GLI3: variants seen among roughly 807,000 people sequenced by gnomAD.
GLI3 encodes the protein transcription activator GLI3.
A neutral mutation model predicts 100.8 loss-of-function variants in GLI3; 20 were observed. The ratio of observed to expected loss-of-function variants is 0.20; its 90% CI spans 0.14 to 0.29. The LOEUF is 0.29. Among genes scored for constraint, GLI3 ranks in the 10% least tolerant of loss-of-function variants. The pLI, the probability that GLI3 is intolerant of heterozygous loss-of-function variation, is 1.00. For missense variants in GLI3, 2,040 were observed against 2,128.5 expected (o/e 0.96, Z 0.82); for synonymous variants, 938 against 860.5 (o/e 1.09, Z -1.58).
Position 41,977,156 on chromosome 7 carries a change from A to AAGCTGTC in GLI3, c.1812+395_1812+401dup, listed in dbSNP as rs557412038. 3.4e-3 allele frequency among the ~76,000 whole-genome samples: 515 copies of AAGCTGTC among 152,352 alleles called. 1 individual carries two copies. The highest frequency in any genetic ancestry group is 6.8e-3 in the Middle Eastern group (2 of 294). ...AAATAAAAGTGGATGACTTAGCAGG[A>AAGCTGTC]AGCTGTCAGCTGTCAACATGCTACT... On this transcript the variant is annotated intron_variant, in intron 12 of 14. Transcript: ENST00000395925.
At chr7:42,190,911 T>C (rs554826582) in intron 2 of GLI3, among the ~76,000 whole-genome samples, 4 of 151,822 alleles carry the variant, frequency 2.6e-5, no homozygotes, top group Admixed American at 2.6e-4. Context: ...AGGAGAAAAA[T>C]TATATATCAT....
Position 41,972,500 on chromosome 7 carries a change from T to C in GLI3, c.1940A>G (p.His647Arg). The change falls in exon 13 of 15, where the codon CAT becomes CGT. Residue 647 changes from histidine to arginine, a missense_variant. By Grantham distance (29) the His-to-Arg change is conservative. Around this residue, in one of 5 missense-constraint regions of GLI3, gnomAD observed 327 missense variants for 338.7 expected, o/e 0.97. Transcript: ENST00000395925. This position sits in a 1 kb window ranked among gnomAD's most constrained non-coding sequence, Gnocchi z 4.4. Reference protein sequence around the residue: ...HVTKKQRGDIHPRPPPPRDSG... With the variant: ...HVTKKQRGDIRPRPPPPRDSG... ...ATCTCTCGGGGGTGGCGGCCGAGGA[T>C]GGATGTCCCCTCGCTGCTTCTTGGT... 6.2e-7 allele frequency: 1 copy of C among 1,612,786 alleles called. No individual in the cohort carries two copies. Among genetic ancestry groups the C allele is most frequent in the South Asian group, 1.1e-5 (1 of 90,968 alleles).
chr7:41,979,043 C>A (rs947355079), intron 10 of GLI3, among the ~76,000 whole-genome samples: 2 of 152,134 alleles, frequency 1.3e-5, no homozygotes, highest in African/African-American at 4.8e-5. Context: ...GAGTTCAATT[C>A]CAGGTTTGGG....
intron 3 of GLI3, among the ~76,000 whole-genome samples, chr7:42,111,688 T>G (rs981363793): frequency 6.6e-6 from 1 of 152,186 alleles, no homozygotes; most frequent in Admixed American, 6.5e-5. Context: ...CTAGAGCACT[T>G]AAGCTTCCCT....
chr7:41,965,299 G>C lies in GLI3; in HGVS notation c.3774C>G (p.Leu1258=), dbSNP rs35448119. ...PCKAPQYGNC[L]NRQPVAPGAL... ...CACCAGGGGCCACTGGCTGCCTGTT[G>C]AGACAGTTCCCATACTGCGGGGCCT... The change falls in exon 15 of 15, where the codon CTC becomes CTG. Residue 1258 remains leucine (L), a synonymous_variant. Coordinates refer to ENST00000395925, the MANE Select transcript of GLI3 (RefSeq NM_000168.6). The C allele has an allele frequency of 2.4e-3, 3,821 of 1,613,882 alleles. 86 individuals carry two copies. The African/African-American group carries it at 0.046, about 19-fold the overall frequency.
chr7:42,023,658 A>C lies in GLI3; in HGVS notation c.1357-50T>G, dbSNP rs777781374. 3.9e-6 allele frequency: 6 copies of C among 1,548,464 alleles called. No individual in the cohort carries two copies. In the African/African-American group the frequency reaches 5.4e-5, roughly 14 times the overall value. On this transcript the variant is annotated intron_variant, in intron 9 of 14. Coordinates refer to ENST00000395925, the MANE Select transcript of GLI3 (RefSeq NM_000168.6). The stretch of plus-strand genomic sequence containing the variant: ...GGAACAGAGAAGGGGGAAGAATCAG[A>C]CACAACAGGAGGGAAGACAAGAAGA...
intron 2 of GLI3, among the ~76,000 whole-genome samples, chr7:42,166,201 C>T (rs955048407): frequency 6.6e-6 from 1 of 152,200 alleles, no homozygotes; most frequent in Non-Finnish European, 1.5e-5. Flanking sequence ...GCATTTCTTA[C>T]CTTGTTTGGT....
chr7:42,159,413 G>C (rs1316883113), intron 2 of GLI3, among the ~76,000 whole-genome samples: 3 of 152,156 alleles, frequency 2.0e-5, no homozygotes, highest in Non-Finnish European at 4.4e-5. Context: ...CTTCCCACTG[G>C]CTGGAAAGGA....
intron 2 of GLI3, among the ~76,000 whole-genome samples, chr7:42,154,355 G>C (rs1786951084): frequency 6.6e-6 from 1 of 152,124 alleles, no homozygotes; most frequent in African/African-American, 2.4e-5. Flanking sequence ...TCGGCCAGGG[G>C]CTTTGTGTGT....
In GLI3 at chr7:41,978,653, A is replaced by G. The variant is rs749798195; in HGVS notation, c.1593T>C (p.Tyr531=). 124 of 1,613,870 alleles carry G rather than the reference A, an allele frequency of 7.7e-5. No individual in the cohort carries two copies. The highest frequency in any genetic ancestry group is 1.0e-4 in the Non-Finnish European group (121 of 1,179,932). Residue 531 remains tyrosine, a synonymous_variant, in exon 11 of 15, where the codon TAT becomes TAC. Coordinates refer to ENST00000395925, the MANE Select transcript of GLI3 (RefSeq NM_000168.6). ...GTCTTCTCATATGCACTACCAACAT[A>G]TACTGGGCTTTGAAGGGTTTCTGCT... is the stretch of plus-strand genomic sequence containing the variant. ...SREQKPFKAQ[Y]MLVVHMRRHT...
upstream of GLI3, among the ~76,000 whole-genome samples, chr7:42,239,380 A>G (rs1247674421): frequency 6.6e-6 from 1 of 152,222 alleles, no homozygotes; most frequent in East Asian, 1.9e-4. Context: ...ATACATGGAA[A>G]AGTATAGAGG....
chr7:42,073,921 G>A (rs1333438822), intron 4 of GLI3, among the ~76,000 whole-genome samples: 2 of 152,144 alleles, frequency 1.3e-5, no homozygotes, highest in African/African-American at 4.8e-5. Flanking sequence ...TACTTTCCCA[G>A]GTAACTGATT....
chr7:42,029,230 G>A (rs552119437), intron 7 of GLI3, among the ~76,000 whole-genome samples: 12 of 152,320 alleles, frequency 7.9e-5, no homozygotes, highest in African/African-American at 2.2e-4. Flanking sequence ...GGGACTGTGC[G>A]CAGGAAGGCT....
intron 1 of GLI3, among the ~76,000 whole-genome samples, chr7:42,244,263 C>T (rs1430595172): frequency 6.6e-6 from 1 of 152,092 alleles, no homozygotes; most frequent in East Asian, 1.9e-4. Context: ...AGATACCATC[C>T]AGAGAAACAC....
intron 3 of GLI3, among the ~76,000 whole-genome samples, chr7:42,123,999 C>A (rs183843696): frequency 1.7e-4 from 26 of 152,266 alleles, no homozygotes; most frequent in Admixed American, 1.4e-3. Flanking sequence ...AGAGGCAAGG[C>A]CCCTGATGCC....
intron 3 of GLI3, among the ~76,000 whole-genome samples, chr7:42,094,733 CA>C (rs57330922): frequency 0.11 from 15,227 of 144,832 alleles, 798 homozygotes; most frequent in African/African-American, 0.13. Context: ...GACTCTGTGT[CA>C]AAAAAAAAAA....
intron 3 of GLI3, among the ~76,000 whole-genome samples, chr7:42,102,131 T>C (rs1029995300): frequency 1.3e-5 from 2 of 152,066 alleles, no homozygotes; most frequent in Admixed American, 1.3e-4. Flanking sequence ...TTGTGAATAA[T>C]GCCGCTGTAA....
At chr7:42,007,222 T>TAAA (rs35750462) in intron 10 of GLI3, among the ~76,000 whole-genome samples, 111 of 122,786 alleles carry the variant, frequency 9.0e-4, no homozygotes, top group East Asian at 2.5e-3. Flanking sequence ...GGAGGAAATT[T>TAAA]AAAAAAAAAA....
chr7:41,978,581 A>T lies in GLI3; in HGVS notation c.1647+18T>A. On this transcript the variant is annotated intron_variant, in intron 11 of 14. Transcript: ENST00000395925. The stretch of plus-strand genomic sequence containing the variant: ...GGGGAAGGACCCAAGTGTGCCTGCC[A>T]CCCACTTCTGTACTCACAGTGCATT... The T allele has an allele frequency of 2.5e-6, 4 of 1,612,556 alleles. No homozygotes were observed. Among genetic ancestry groups the T allele is most frequent in the Non-Finnish European group, 3.4e-6 (4 of 1,178,594 alleles).
Sources: allele counts gnomAD v4.1 joint callset (sites outside exome capture counted in the v4.1 genomes callset), GRCh38; gene constraint gnomAD v4.1.1; regional missense constraint gnomAD v4.1.1; non-coding constraint Gnocchi (gnomAD v3.1); transcripts MANE v1.5; gene names NCBI Gene and HGNC (gene_info 2026-07-23, HGNC 2026-07-21).